Variants in CNTN1 observed in about 807,000 individuals in gnomAD.
CNTN1 encodes the protein contactin 1, also known as contactin-1.
A neutral mutation model predicts 126.4 loss-of-function variants in CNTN1; 38 were observed. The ratio of observed to expected loss-of-function variants is 0.30; its 90% confidence interval spans 0.23 to 0.39. CNTN1 has a LOEUF of 0.39. Among genes scored for constraint, CNTN1 ranks in the 10% least tolerant of loss-of-function variants. CNTN1 has a pLI of 1.00. For missense variants in CNTN1, 1,009 were observed against 1,248.4 expected (o/e 0.81, Z 2.89); for synonymous variants, 413 against 422.6 (o/e 0.98, Z 0.28).
chr12:40,775,845 C>T (rs1480410997), intron 1 of CNTN1, among the ~76,000 whole-genome samples: 1 of 151,452 alleles, frequency 6.6e-6, no homozygotes, highest in African/African-American at 2.4e-5. Flanking sequence ...TTGCCAAAAA[C>T]AAGTAAGCAA....
chr12:40,857,743 A>C (rs565420661), intron 1 of CNTN1, among the ~76,000 whole-genome samples: 1 of 152,250 alleles, frequency 6.6e-6, no homozygotes, highest in Non-Finnish European at 1.5e-5. Flanking sequence ...GTCACCTTCC[A>C]GGTACAAAAA....
chr12:40,804,538 C>A (rs1319637757), intron 1 of CNTN1, among the ~76,000 whole-genome samples: 1 of 151,978 alleles, frequency 6.6e-6, no homozygotes, highest in African/African-American at 2.4e-5. Flanking sequence ...TGAGGGATTG[C>A]AGTCACATGC....
intron 14 of CNTN1, among the ~76,000 whole-genome samples, chr12:40,945,034 A>C (rs1174058239): frequency 1.3e-5 from 2 of 152,124 alleles, no homozygotes; most frequent in Non-Finnish European, 2.9e-5. Flanking sequence ...TGATATGTAC[A>C]CATTATTATA....
At chr12:40,714,296 T>C (rs145795184) in intron 1 of CNTN1, among the ~76,000 whole-genome samples, 1 of 152,230 alleles carries the variant, frequency 6.6e-6, no homozygotes, top group East Asian at 1.9e-4. Flanking sequence ...TGTGTGTTTC[T>C]GGAATCAATG....
intron 23 of CNTN1, among the ~76,000 whole-genome samples, chr12:41,059,601 G>A (rs1413440312): frequency 6.6e-6 from 1 of 152,030 alleles, no homozygotes; most frequent in Non-Finnish European, 1.5e-5. Context: ...ATAAGCCCTA[G>A]GTCCCTAATC....
chr12:40,743,736 T>C (rs1565675107), intron 1 of CNTN1, among the ~76,000 whole-genome samples: 1 of 152,000 alleles, frequency 6.6e-6, no homozygotes, highest in Non-Finnish European at 1.5e-5. Context: ...ATTTTGTAGG[T>C]TGTCTGTTTG....
intron 1 of CNTN1, among the ~76,000 whole-genome samples, chr12:40,758,294 A>C (rs993166533): frequency 5.9e-5 from 9 of 151,868 alleles, no homozygotes; most frequent in African/African-American, 2.2e-4. Context: ...GAAGTTCAAA[A>C]CAAAGTGTTT....
chr12:40,857,054 T>A (rs1942938084), intron 1 of CNTN1, among the ~76,000 whole-genome samples: 1 of 152,092 alleles, frequency 6.6e-6, no homozygotes, highest in African/African-American at 2.4e-5. Flanking sequence ...GATGTCAACG[T>A]ATAATATGCA....
At chr12:40,924,821 T>C (rs983070278) in intron 6 of CNTN1, among the ~76,000 whole-genome samples, 169 bp downstream of exon 6, 1 of 148,234 alleles carries the variant, frequency 6.7e-6, no homozygotes, top group Non-Finnish European at 1.5e-5. Context: ...GGACACTTTC[T>C]TTCTTGGCTC....
At chr12:40,971,383 C>G (rs2137046018) in intron 15 of CNTN1, 1 of 1,501,084 alleles carries the variant, frequency 6.7e-7, no homozygotes, top group East Asian at 2.3e-5. Context: ...GCTTCCTGCC[C>G]CTAATTGGGC....
chr12:40,889,096 C>G (rs971487607), intron 1 of CNTN1, among the ~76,000 whole-genome samples: 3 of 152,346 alleles, frequency 2.0e-5, no homozygotes, highest in African/African-American at 7.2e-5. Flanking sequence ...AGGTTATTCT[C>G]TGTAAGGGTT....
Position 40,936,905 on chromosome 12 carries a change from G to A in CNTN1, c.1110G>A (p.Ala370=), listed in dbSNP as rs770501938. The A allele has an allele frequency of 5.0e-6, 8 of 1,612,652 alleles. No individual in the cohort carries two copies. The highest frequency in any genetic ancestry group is 6.8e-6 in the Non-Finnish European group (8 of 1,179,042). ...TCCGATGGTTGAAAAATGGATATGC[G>A]GTATGTATGTTCAAGTGCTTTGCTG... ...PTIRWLKNGY[A]YHKGELRLYD... The change falls in exon 10 of 24, where the codon GCG becomes GCA. Residue 370 remains alanine (A), a splice_region_variant and synonymous_variant. Coordinates refer to ENST00000551295, the MANE Select transcript of CNTN1 (RefSeq NM_001843.4).
At position 40,939,202 on chromosome 12, in the gene CNTN1, G is replaced by C. The variant is rs533995330; in HGVS notation, c.1229-133G>C. 5 of 940,592 alleles carry C rather than the reference G, an allele frequency of 5.3e-6. No individual in the cohort carries two copies. The Admixed American group carries it at 9.5e-5, about 18-fold the overall frequency. 58.3% of individuals were successfully genotyped at this position (940,592 alleles called of 1,614,324 possible). Reference sequence around the variant, plus strand: ...CATTAGGTATAGAATGCCTATTGGTGACAGCTGATCATATTTACCGAGATT... The same window carrying C: ...CATTAGGTATAGAATGCCTATTGGTCACAGCTGATCATATTTACCGAGATT... On this transcript the variant is annotated intron_variant, in intron 11 of 23. Transcript: ENST00000551295.
At chr12:40,734,417 C>T (rs1395945810) in intron 1 of CNTN1, among the ~76,000 whole-genome samples, 1 of 151,900 alleles carries the variant, frequency 6.6e-6, no homozygotes, top group East Asian at 1.9e-4. Flanking sequence ...TAGGGTTTAC[C>T]ACATAAAAGT....
intron 15 of CNTN1, among the ~76,000 whole-genome samples, chr12:40,964,580 T>C (rs1308227544): frequency 6.6e-6 from 1 of 151,350 alleles, no homozygotes; most frequent in Non-Finnish European, 1.5e-5. Flanking sequence ...TTCCACTTTA[T>C]TTCTAAGGAA....
intron 1 of CNTN1, among the ~76,000 whole-genome samples, chr12:40,730,603 C>G (rs1044654835): frequency 6.6e-6 from 1 of 152,130 alleles, no homozygotes; most frequent in South Asian, 2.1e-4. Context: ...GGAATGTATC[C>G]AATGACTACA....
At chr12:41,034,790 G>A (rs1949219822) in intron 23 of CNTN1, among the ~76,000 whole-genome samples, 1 of 152,130 alleles carries the variant, frequency 6.6e-6, no homozygotes, top group South Asian at 2.1e-4. Context: ...CCACATAAAT[G>A]TACTTAGCAC....
At chr12:40,888,133 G>A (rs1944112285) in intron 1 of CNTN1, among the ~76,000 whole-genome samples, 1 of 152,014 alleles carries the variant, frequency 6.6e-6, no homozygotes, top group Admixed American at 6.6e-5. Context: ...CCTGCACATT[G>A]TGCACATGTA....
At chr12:40,698,851 T>A (rs1418151203) in intron 1 of CNTN1, among the ~76,000 whole-genome samples, 1 of 152,196 alleles carries the variant, frequency 6.6e-6, no homozygotes, top group African/African-American at 2.4e-5. Context: ...ATTTCTTCCA[T>A]CTCCAATCTC....
Sources: gnomAD v4.1 joint callset for allele counts (sites outside exome capture counted in the v4.1 genomes callset) on GRCh38, gnomAD v4.1.1 for gene constraint, MANE v1.5 for transcripts, NCBI Gene and HGNC (gene_info 2026-07-23, HGNC 2026-07-21) for gene names.